Variants in MLIP observed in about 807,000 individuals in gnomAD.
The protein encoded by MLIP is muscular LMNA interacting protein.
In MLIP, 79 loss-of-function variants were observed where a neutral mutation model predicts 84.8. The observed-to-expected ratio is 0.93, with a 90% CI of 0.78 to 1.12. The LOEUF (loss-of-function observed/expected upper bound fraction) is 1.12. Ranked by LOEUF, MLIP falls within the 50% of genes most tolerant of loss-of-function variation. MLIP has a pLI of 0.00. For synonymous variants in MLIP, 504 were observed against 463.0 expected (o/e 1.09, Z -1.14); for missense variants, 1,257 against 1,160.6 (o/e 1.08, Z -1.21).
chr6:54,136,775 G>A lies in MLIP; in HGVS notation c.706G>A (p.Val236Ile). ...CTGTAAACCACCTGCTTTCTCCTTT[G>A]TTTCTCCAACTAATCCGAACACACC... is the stretch of plus-strand genomic sequence containing the variant. ...LACKPPAFSF[V>I]SPTNPNTPPD... The change falls in exon 4 of 14, where the codon GTT becomes ATT. Residue 236 changes from valine to isoleucine, a missense_variant. Val to Ile is a conservative substitution (Grantham distance 29, BLOSUM62 3). Transcript: ENST00000502396. The A allele has an allele frequency of 6.6e-7, 1 of 1,520,522 alleles. No homozygotes were observed. The highest frequency in any genetic ancestry group is 1.2e-5 in the South Asian group (1 of 83,626). 94.2% of individuals were successfully genotyped at this position (1,520,522 alleles called of 1,614,324 possible). A position where few individuals can be genotyped will look rare whatever the true frequency, so the allele number is the denominator to read the frequency against.
chr6:54,210,373 C>A (rs1388290123), intron 11 of MLIP, among the ~76,000 whole-genome samples: 1 of 152,036 alleles, frequency 6.6e-6, no homozygotes, highest in Non-Finnish European at 1.5e-5. Flanking sequence ...AGGAGGGGCA[C>A]TCATTAGGTA....
At chr6:54,073,196 TC>T (rs1281144828) in intron 1 of MLIP, among the ~76,000 whole-genome samples, 1 of 152,206 alleles carries the variant, frequency 6.6e-6, no homozygotes, top group African/African-American at 2.4e-5. Context: ...AACTTGGAGT[TC>T]CTTTTTGCAG....
chr6:54,097,460 A>G (rs555106508), intron 1 of MLIP, among the ~76,000 whole-genome samples: 2 of 152,336 alleles, frequency 1.3e-5, no homozygotes, highest in East Asian at 3.9e-4. Context: ...TCGACTAGGC[A>G]ACAACATACA....
chr6:54,219,163 GC>G (rs1228225485), intron 11 of MLIP, among the ~76,000 whole-genome samples: 2 of 151,480 alleles, frequency 1.3e-5, no homozygotes, highest in Non-Finnish European at 2.9e-5. Context: ...CCGAGATCAT[GC>G]CACTGTACTC....
chr6:54,136,350 A>G (rs1771794740), intron 3 of MLIP, among the ~76,000 whole-genome samples: 1 of 152,242 alleles, frequency 6.6e-6, no homozygotes, highest in Non-Finnish European at 1.5e-5. Context: ...ATAATTTTCC[A>G]AAGTGAAATT....
At chr6:54,078,459 C>T (rs1766936155) in intron 1 of MLIP, among the ~76,000 whole-genome samples, 1 of 152,116 alleles carries the variant, frequency 6.6e-6, no homozygotes, top group African/African-American at 2.4e-5. Context: ...TTGTGCACAA[C>T]TGCGGTCCCA....
chr6:54,019,627 C>T lies in MLIP; in HGVS notation c.63+536C>T, dbSNP rs1763387991. 2.6e-5 allele frequency among the ~76,000 whole-genome samples: 4 copies of T among 152,150 alleles called. No homozygotes were observed. The South Asian group carries it at 8.3e-4, about 31-fold the overall frequency. The stretch of plus-strand genomic sequence containing the variant: ...ATTAATATGGTGACTTACATTTGCT[C>T]AAATACAAAATAGACTATAACCTTG... On this transcript the variant is annotated intron_variant, in intron 1 of 12. Coordinates refer to the MLIP transcript ENST00000274897.
At chr6:54,107,885 T>G (rs941147303), upstream of MLIP, among the ~76,000 whole-genome samples, 5 of 152,192 alleles carry the variant, frequency 3.3e-5, no homozygotes, top group Admixed American at 3.3e-4. Flanking sequence ...AACAGACAAA[T>G]GGATGTCTGA....
chr6:54,137,001 C>A lies in MLIP; in HGVS notation c.932C>A (p.Pro311His). 6 of 1,536,064 alleles carry A rather than the reference C, an allele frequency of 3.9e-6. No homozygotes were observed. Among genetic ancestry groups the A allele is most frequent in the Non-Finnish European group, 5.2e-6 (6 of 1,146,872 alleles). The change falls in exon 4 of 14, where the codon CCC becomes CAC. Residue 311 changes from proline (P) to histidine (H), a missense_variant. By Grantham distance (77) the Pro-to-His change is moderately conservative. Transcript: ENST00000502396. ...ACTCAACTATCAGGTTCTAATTTAC[C>A]CAGTTCAACTGCAGCAGATCCAAAG... ...HSTQLSGSNL[P>H]SSTAADPKPG...
chr6:54,120,242 T>A lies in MLIP; in HGVS notation c.97-1205T>A, dbSNP rs932507008. The stretch of plus-strand genomic sequence containing the variant: ...TAGGCTTGCGACTTCTTTTTTTTAT[T>A]TTTTTTTTTTGAGACGGAGTCTCGC... On this transcript the variant is annotated intron_variant, in intron 1 of 13. Transcript: ENST00000502396. Among the ~76,000 whole-genome samples the A allele has an allele frequency of 2.7e-4, 9 of 33,420 alleles. No individual in the cohort carries two copies. In the South Asian group the frequency reaches 6.3e-3, roughly 23 times the overall value. 21.9% of individuals were successfully genotyped at this position (33,420 alleles called of 152,430 possible). A position where few individuals can be genotyped will look rare whatever the true frequency, so the allele number is the denominator to read the frequency against.
chr6:54,023,843 T>G (rs1422589353), intron 1 of MLIP, among the ~76,000 whole-genome samples: 1 of 152,166 alleles, frequency 6.6e-6, no homozygotes, highest in Non-Finnish European at 1.5e-5. Flanking sequence ...GTGATAGGAT[T>G]ACAGGCGAGA....
chr6:54,164,380 A>G (rs1222510391), intron 8 of MLIP, among the ~76,000 whole-genome samples: 3 of 151,940 alleles, frequency 2.0e-5, no homozygotes, highest in Non-Finnish European at 4.4e-5. Flanking sequence ...ATTCCAGTTC[A>G]AGATTTTGGT....
At chr6:54,037,282 T>C (rs141319188) in intron 1 of MLIP, among the ~76,000 whole-genome samples, 5 of 152,108 alleles carry the variant, frequency 3.3e-5, no homozygotes, top group African/African-American at 7.2e-5. Flanking sequence ...TCAATTCACA[T>C]ATTTGGTATC....
intron 1 of MLIP, among the ~76,000 whole-genome samples, chr6:54,092,812 C>T (rs1198549029): frequency 6.6e-6 from 1 of 152,124 alleles, no homozygotes. Flanking sequence ...CTTTCCATCA[C>T]TTCAGTGTGT....
At chr6:54,230,642 G>T (rs939124670) in intron 11 of MLIP, 72 bp from the exon 12 acceptor site, 2 of 1,374,858 alleles carry the variant, frequency 1.5e-6, no homozygotes, top group East Asian at 2.3e-5. Context: ...TATGTCTATC[G>T]TAGACCTAAT....
At chr6:54,106,948 C>A (rs931433193), upstream of MLIP, among the ~76,000 whole-genome samples, 8 of 152,068 alleles carry the variant, frequency 5.3e-5, no homozygotes, top group Non-Finnish European at 1.2e-4. Flanking sequence ...TCAGATGGCA[C>A]AAAGCAGACA....
chr6:54,166,876 T>G (rs1775251645), intron 8 of MLIP, among the ~76,000 whole-genome samples: 1 of 151,980 alleles, frequency 6.6e-6, no homozygotes, highest in Admixed American at 6.6e-5. Context: ...AAATCTAGAT[T>G]TTCTCCCACA....
intron 12 of MLIP, among the ~76,000 whole-genome samples, chr6:54,240,818 T>C (rs1336718199): frequency 6.6e-6 from 1 of 151,810 alleles, no homozygotes; most frequent in East Asian, 1.9e-4. Context: ...CTACTAAAAA[T>C]AGAAAAAATG....
chr6:54,024,310 C>A (rs1211379999), intron 1 of MLIP, among the ~76,000 whole-genome samples: 1 of 152,174 alleles, frequency 6.6e-6, no homozygotes, highest in African/African-American at 2.4e-5. Flanking sequence ...CCATGCCCAG[C>A]CTAAATTATT....
Sources: gnomAD v4.1 joint callset for allele counts (sites outside exome capture counted in the v4.1 genomes callset) on GRCh38, gnomAD v4.1.1 for gene constraint, MANE v1.5 for transcripts, NCBI Gene and HGNC (gene_info 2026-07-23, HGNC 2026-07-21) for gene names.